Variants in PWWP2A observed in about 807,000 individuals in gnomAD.
The protein encoded by PWWP2A is PWWP domain containing 2A, also known as PWWP domain-containing protein 2A.
PWWP2A carries 18 observed loss-of-function variants against 48.5 expected under a neutral mutation model. The observed-to-expected ratio is 0.37, with a 90% CI of 0.26 to 0.55. The LOEUF (loss-of-function observed/expected upper bound fraction) is 0.55, where lower values mean the gene tolerates loss of function less well. PWWP2A is among the 20% of genes least tolerant of loss of function. The pLI is 0.81. For missense variants in PWWP2A, 867 were observed against 976.4 expected (o/e 0.89, Z 1.49); for synonymous variants, 396 against 387.7 (o/e 1.02, Z -0.25).
chr5:160,118,674 G>A (rs922057545), intron 1 of PWWP2A, 131 bp downstream of exon 1: 4 of 935,340 alleles, frequency 4.3e-6, no homozygotes, highest in Non-Finnish European at 5.8e-6. Context: ...CGCGCGCCAC[G>A]CGCCGCGCAG....
At chr5:160,103,394 G>A (rs143403931) in intron 1 of PWWP2A, among the ~76,000 whole-genome samples, 279 of 152,166 alleles carry the variant, frequency 1.8e-3, no homozygotes, top group African/African-American at 6.3e-3. Flanking sequence ...GAAACACAGT[G>A]AGACCCCCAT....
At chr5:160,051,325 C>T in the PWWP2A span, 1 of 601,754 alleles carries the variant, frequency 1.7e-6, no homozygotes, top group Non-Finnish European at 2.8e-6. Flanking sequence ...ATTTTGACCC[C>T]AGAAGGGGCA....
chr5:160,112,611 T>A (rs1489074840), intron 1 of PWWP2A, among the ~76,000 whole-genome samples: 2 of 152,084 alleles, frequency 1.3e-5, no homozygotes, highest in African/African-American at 4.8e-5. Context: ...GTGTCATTTA[T>A]GGGCCAAAGA....
chr5:160,046,353 C>T, the PWWP2A span, among the ~76,000 whole-genome samples: 2 of 152,190 alleles, frequency 1.3e-5, no homozygotes, highest in African/African-American at 4.8e-5. Context: ...AATTCTCTCT[C>T]TTAAATTTAA....
At position 160,091,950 on chromosome 5, in the gene PWWP2A, G is replaced by A. The variant is rs1210143841; in HGVS notation, c.*432C>T. On this transcript the variant is annotated 3_prime_UTR_variant, in exon 2 of 2. Transcript: ENST00000307063. ...TGCAATCTGTGTCACACAGTGACAG[G>A]CTGTATTTCATATATATATATGTGT... 1 of 966,106 alleles carries A rather than the reference G, an allele frequency of 1.0e-6. No individual in the cohort carries two copies. Among genetic ancestry groups the A allele is most frequent in the Non-Finnish European group, 1.2e-6 (1 of 815,922 alleles). 59.8% of individuals were successfully genotyped at this position (966,106 alleles called of 1,614,324 possible). A position where few individuals can be genotyped will look rare whatever the true frequency, so the allele number is the denominator to read the frequency against.
chr5:160,092,470 A>G lies in PWWP2A; in HGVS notation c.2180T>C (p.Leu727Pro), dbSNP rs1279748828. Residue 727 changes from leucine to proline, a missense_variant, in exon 2 of 2, where the codon CTG becomes CCG. Physicochemically the swap from Leu to Pro is moderately conservative, Grantham distance 98 (BLOSUM62 -3). Coordinates refer to ENST00000307063, the MANE Select transcript of PWWP2A (RefSeq NM_001130864.2). ...TGCCTCTGTGATAGCCTTGCGATAC[A>G]GGCCCTTTCTCTTCTTATTAAAGCG... is the stretch of plus-strand genomic sequence containing the variant. Reference protein sequence around the residue: ...QSRFNKKRKGLYRKAITEAAK... With the variant: ...QSRFNKKRKGPYRKAITEAAK... 3 of 1,551,580 alleles carry G rather than the reference A, an allele frequency of 1.9e-6. No homozygotes were observed. In the African/African-American group the frequency reaches 4.1e-5, roughly 21 times the overall value.
chr5:160,099,678 A>AAT (rs1554102993), intron 1 of PWWP2A, among the ~76,000 whole-genome samples: 26 of 140,422 alleles, frequency 1.9e-4, no homozygotes, highest in African/African-American at 6.6e-4. Flanking sequence ...CAAAAAAAAA[A>AAT]TTTTTTTTTT....
intron 1 of PWWP2A, among the ~76,000 whole-genome samples, chr5:160,103,306 C>CA (rs1281611835): frequency 2.6e-5 from 4 of 152,082 alleles, no homozygotes; most frequent in Non-Finnish European, 4.4e-5. Flanking sequence ...AGAAAGCACA[C>CA]AAAAAAGAAA....
downstream of PWWP2A, among the ~76,000 whole-genome samples, chr5:160,072,888 C>G (rs1753773529): frequency 6.6e-6 from 1 of 151,388 alleles, no homozygotes; most frequent in East Asian, 2.0e-4. Context: ...CCTGTAATCC[C>G]AGCTACTCGG....
At chr5:160,059,376 G>C (rs959724115), downstream of PWWP2A, among the ~76,000 whole-genome samples, 1 of 152,230 alleles carries the variant, frequency 6.6e-6, no homozygotes, top group Admixed American at 6.5e-5. Context: ...TAGGATTGAA[G>C]AAAGTTAGGG....
At position 160,092,984 on chromosome 5, in the gene PWWP2A, C is replaced by T; in HGVS notation, c.1666G>A (p.Gly556Ser). The change falls in exon 2 of 2, where the codon GGC becomes AGC. Residue 556 changes from glycine to serine, a missense_variant. By Grantham distance (56) the Gly-to-Ser change is moderately conservative (BLOSUM62 0). This residue lies in a region of PWWP2A where 382 missense variants were observed against 407.2 expected (regional missense o/e 0.94). Coordinates refer to ENST00000307063, the MANE Select transcript of PWWP2A (RefSeq NM_001130864.2). ...ATATTGTTTTTGCTGCCCTTTTTGCCCAATGTCTGTGGTTCATCCTGATCA... is the reference window on the plus strand; with the variant it reads ...ATATTGTTTTTGCTGCCCTTTTTGCTCAATGTCTGTGGTTCATCCTGATCA... ...PGDQDEPQTL[G>S]KKGSKNNISV... 1 of 1,564,436 alleles carries T rather than the reference C, an allele frequency of 6.4e-7. No homozygotes were observed.
At chr5:160,068,180 CA>C (rs1456289371) in intron 2 of PWWP2A, among the ~76,000 whole-genome samples, 7 of 152,118 alleles carry the variant, frequency 4.6e-5, no homozygotes, top group African/African-American at 1.7e-4. Flanking sequence ...GCCTCCATCT[CA>C]AAAAATAAAA....
chr5:160,047,188 A>T, the PWWP2A span, among the ~76,000 whole-genome samples: 1 of 152,088 alleles, frequency 6.6e-6, no homozygotes, highest in African/African-American at 2.4e-5. Context: ...AGTGTCCTGT[A>T]TCCCACTGCA....
chr5:160,107,132 C>T (rs935148441), intron 1 of PWWP2A, among the ~76,000 whole-genome samples: 3 of 152,016 alleles, frequency 2.0e-5, no homozygotes, highest in Admixed American at 6.6e-5. Flanking sequence ...CGGCCTTAAC[C>T]GGGAACCTTT....
intron 1 of PWWP2A, among the ~76,000 whole-genome samples, chr5:160,109,804 T>TAAAATA (rs1757349230): frequency 8.4e-6 from 1 of 119,288 alleles, no homozygotes; most frequent in Non-Finnish European, 1.7e-5. Context: ...TATATATATA[T>TAAAATA]ATATAAAATA....
intron 1 of PWWP2A, among the ~76,000 whole-genome samples, chr5:160,109,350 CAA>C (rs113030645): frequency 2.3e-4 from 31 of 134,892 alleles, no homozygotes; most frequent in South Asian, 2.4e-4. Context: ...TCCCCTGCTC[CAA>C]AAAAAAAAAA....
Position 160,091,679 on chromosome 5 carries a change from T to C in PWWP2A, c.*703A>G, listed in dbSNP as rs1755077390. 1 of 985,092 alleles carries C rather than the reference T, an allele frequency of 1.0e-6. No homozygotes were observed. The highest frequency in any genetic ancestry group is 4.7e-5 in the South Asian group (1 of 21,276). 61.0% of individuals were successfully genotyped at this position (985,092 alleles called of 1,614,324 possible). On this transcript the variant is annotated 3_prime_UTR_variant, in exon 2 of 2. Transcript: ENST00000307063. ...CAGAAGCTTGAAAGTATTTATTAAA[T>C]CCCCACTGGACGAAAGACAGTGATG...
At chr5:160,050,126 G>T in the PWWP2A span, among the ~76,000 whole-genome samples, 1 of 151,892 alleles carries the variant, frequency 6.6e-6, no homozygotes, top group Admixed American at 6.6e-5. Flanking sequence ...TCCATCATGG[G>T]CAACAGAGTA....
At chr5:160,089,304 C>T (rs558609715), downstream of PWWP2A, among the ~76,000 whole-genome samples, 73 of 152,276 alleles carry the variant, frequency 4.8e-4, 1 homozygote, top group Middle Eastern at 3.4e-3. Context: ...CCATCTTAGC[C>T]TCCCAAGTAG....
Sources: gnomAD v4.1 joint callset for allele counts (sites outside exome capture counted in the v4.1 genomes callset) on GRCh38, gnomAD v4.1.1 for gene constraint, gnomAD v4.1.1 regional missense constraint, MANE v1.5 for transcripts, NCBI Gene and HGNC (gene_info 2026-07-23, HGNC 2026-07-21) for gene names.